The following NOSTRIN variants were observed in gnomAD, a reference collection of about 807,000 sequenced individuals.
The protein encoded by NOSTRIN is nitric oxide synthase trafficking, also known as BM247 homolog.
Under a neutral mutation model 59.0 loss-of-function variants are expected in NOSTRIN, and 63 were observed. The observed-to-expected ratio is 1.07, with a 90% CI of 0.87 to 1.32. The LOEUF (loss-of-function observed/expected upper bound fraction) is 1.32, where lower values mean the gene tolerates loss of function less well. NOSTRIN is among the 40% of genes most tolerant of loss of function. NOSTRIN has a pLI of 0.00. For synonymous variants in NOSTRIN, 200 were observed against 165.4 expected (o/e 1.21, Z -1.61); for missense variants, 512 against 473.1 (o/e 1.08, Z -0.76).
At chr2:168,855,618 AG>A (rs1689034774) in intron 11 of NOSTRIN, 158 bp downstream of exon 11, 4 of 260,732 alleles carry the variant, frequency 1.5e-5, no homozygotes, top group African/African-American at 9.0e-5. Context: ...AAAAAAAAAA[AG>A]TAGAAGAAAA....
At chr2:168,841,068 C>T (rs1559128718) in intron 7 of NOSTRIN, among the ~76,000 whole-genome samples, 1 of 151,538 alleles carries the variant, frequency 6.6e-6, no homozygotes, top group African/African-American at 2.4e-5. Flanking sequence ...GACTGGGCAA[C>T]ATGGTGAAAC....
In NOSTRIN at chr2:168,855,350, A is replaced by C; in HGVS notation, c.856-2A>C. 6.5e-7 allele frequency: 1 copy of C among 1,527,114 alleles called. No individual in the cohort carries two copies. Among genetic ancestry groups the C allele is most frequent in the Non-Finnish European group, 8.9e-7 (1 of 1,119,514 alleles). 94.6% of individuals were successfully genotyped at this position (1,527,114 alleles called of 1,614,324 possible). On this transcript the variant is annotated splice_acceptor_variant, in intron 10 of 15. Transcript: ENST00000317647. LOFTEE classifies it high-confidence loss of function. ...GTTAGACATCCTTCTTTTTTCCTAAAGGAAGAAGATCCTAACAGTGCAATG... is the reference window on the plus strand; with the variant it reads ...GTTAGACATCCTTCTTTTTTCCTAACGGAAGAAGATCCTAACAGTGCAATG...
At chr2:168,810,254 C>A (rs1163551216) in intron 1 of NOSTRIN, among the ~76,000 whole-genome samples, 1 of 152,170 alleles carries the variant, frequency 6.6e-6, no homozygotes, top group African/African-American at 2.4e-5. Context: ...AGTTTCAAGT[C>A]CTATCACAGC....
chr2:168,850,938 C>A, intron 8 of NOSTRIN, 146 bp from the exon 9 acceptor site: 1 of 804,896 alleles, frequency 1.2e-6, no homozygotes, highest in Admixed American at 2.0e-5. Context: ...TGGAAATCTC[C>A]CTCCACTATG....
At chr2:168,834,499 G>GTGCACACACACA (rs1553527053) in intron 7 of NOSTRIN, among the ~76,000 whole-genome samples, 174 bp downstream of exon 7, 1 of 28,574 alleles carries the variant, frequency 3.5e-5, no homozygotes, top group African/African-American at 8.4e-5. Flanking sequence ...GTGCGCGCGC[G>GTGCACACACACA]CGCGCGCGCA....
chr2:168,796,268 C>T (rs113210755), upstream of NOSTRIN, among the ~76,000 whole-genome samples: 135 of 152,300 alleles, frequency 8.9e-4, 1 homozygote, highest in African/African-American at 2.7e-3. Flanking sequence ...AGTTGGCCTT[C>T]GGAAGACATG....
At chr2:168,796,985 C>T (rs886591904), upstream of NOSTRIN, among the ~76,000 whole-genome samples, 3 of 152,060 alleles carry the variant, frequency 2.0e-5, no homozygotes, top group Non-Finnish European at 4.4e-5. Context: ...ACTTACTTTG[C>T]TCCAGATACT....
At chr2:168,818,800 G>C (rs547092524) in intron 2 of NOSTRIN, among the ~76,000 whole-genome samples, 2 of 151,920 alleles carry the variant, frequency 1.3e-5, no homozygotes, top group East Asian at 3.9e-4. Flanking sequence ...GTCAGTGCAT[G>C]TCACTTCCTT....
chr2:168,795,731 G>A (rs1467059833), upstream of NOSTRIN, among the ~76,000 whole-genome samples: 1 of 152,178 alleles, frequency 6.6e-6, no homozygotes, highest in Non-Finnish European at 1.5e-5. Context: ...GAAGTGTTAT[G>A]AGGCAAAAAG....
intron 2 of NOSTRIN, among the ~76,000 whole-genome samples, chr2:168,791,767 T>C (rs944762593): frequency 4.6e-5 from 7 of 152,326 alleles, no homozygotes; most frequent in African/African-American, 1.7e-4. Flanking sequence ...ATGTGTTTTT[T>C]GGCTGCATAA....
intron 8 of NOSTRIN, chr2:168,850,699 G>A (rs533174874): frequency 6.5e-6 from 4 of 618,182 alleles, no homozygotes; most frequent in South Asian, 6.3e-5. Flanking sequence ...GACCATCTGA[G>A]GTCAGGAGTT....
chr2:168,839,178 C>G (rs1444671850), intron 7 of NOSTRIN, among the ~76,000 whole-genome samples: 1 of 152,172 alleles, frequency 6.6e-6, no homozygotes, highest in East Asian at 1.9e-4. Context: ...CCGTCGTAAG[C>G]TGTGTGATCC....
At chr2:168,850,728 C>A in intron 8 of NOSTRIN, 1 of 673,298 alleles carries the variant, frequency 1.5e-6, no homozygotes, top group Non-Finnish European at 2.5e-6. Flanking sequence ...GCCTGCCCAA[C>A]ATGGTGAAAC....
At chr2:168,801,243 T>A (rs1361975472), upstream of NOSTRIN, 1 of 151,416 alleles carries the variant, frequency 6.6e-6, no homozygotes, top group African/African-American at 2.4e-5. Flanking sequence ...CTCTTCTACG[T>A]TGTTTCTGGA....
At chr2:168,792,526 T>C (rs185718731) in intron 2 of NOSTRIN, among the ~76,000 whole-genome samples, 50 of 152,336 alleles carry the variant, frequency 3.3e-4, no homozygotes, top group African/African-American at 9.9e-4. Flanking sequence ...CTTGACTCAC[T>C]GCAACCTCTG....
chr2:168,853,323 C>T (rs1056608408), intron 10 of NOSTRIN, among the ~76,000 whole-genome samples: 1 of 152,158 alleles, frequency 6.6e-6, no homozygotes, highest in Non-Finnish European at 1.5e-5. Context: ...GGACCAGGGA[C>T]AACAAAGAGA....
chr2:168,828,590 C>T, intron 5 of NOSTRIN, 89 bp downstream of exon 5: 1 of 545,716 alleles, frequency 1.8e-6, no homozygotes, highest in Non-Finnish European at 3.3e-6. Flanking sequence ...GAAAGTGGTA[C>T]CAAGTTTCAG....
intron 2 of NOSTRIN, among the ~76,000 whole-genome samples, chr2:168,817,557 AC>A (rs34821297): frequency 0.63 from 95,324 of 151,900 alleles, 30,311 homozygotes; most frequent in African/African-American, 0.73. Context: ...TTTCTTGTCC[AC>A]TTTACCTGAA....
chr2:168,862,582 T>G (rs1288545588), intron 15 of NOSTRIN, among the ~76,000 whole-genome samples: 3 of 152,210 alleles, frequency 2.0e-5, no homozygotes, highest in Admixed American at 6.5e-5. Flanking sequence ...GTCAGCTGAC[T>G]CCCAGCTTAG....
Sources: allele counts gnomAD v4.1 joint callset (sites outside exome capture counted in the v4.1 genomes callset), GRCh38; gene constraint gnomAD v4.1.1; transcripts MANE v1.5; gene names NCBI Gene and HGNC (gene_info 2026-07-23, HGNC 2026-07-21).